Variants in CNGA3 observed in about 807,000 individuals in gnomAD.
CNGA3 encodes cyclic nucleotide gated channel subunit alpha 3.
A neutral mutation model predicts 46.6 loss-of-function variants in CNGA3; 42 were observed. The observed-to-expected ratio is 0.90, with a 90% CI of 0.70 to 1.17. The LOEUF (loss-of-function observed/expected upper bound fraction) is 1.17. Among genes scored for constraint, CNGA3 ranks in the 50% most tolerant of loss-of-function variants. The pLI is 0.00. For synonymous variants in CNGA3, 394 were observed against 369.4 expected, an observed-to-expected ratio of 1.07 and a Z score of -0.76; for missense variants, 893 against 890.7, an observed-to-expected ratio of 1.00 and a Z score of -0.03.
At chr2:98,388,468 G>C (rs1284200958) in intron 5 of CNGA3, among the ~76,000 whole-genome samples, 1 of 152,180 alleles carries the variant, frequency 6.6e-6, no homozygotes, top group Non-Finnish European at 1.5e-5. Context: ...GGAGGGGAGA[G>C]GGTGCTTGGA....
rs746845526 is a variant in CNGA3 at position 98,395,832 on chromosome 2, C to T, written c.674-12C>T. ...CTCTGTGATGCCCAATGACCTCCATCTTCTTCTTTAGGTTTTCTCGAGCAA... is the reference window on the plus strand; with the variant it reads ...CTCTGTGATGCCCAATGACCTCCATTTTCTTCTTTAGGTTTTCTCGAGCAA... On this transcript the variant is annotated splice_polypyrimidine_tract_variant and intron_variant, in intron 7 of 7. Coordinates refer to ENST00000272602, the MANE Select transcript of CNGA3 (RefSeq NM_001298.3). 7 of 1,613,726 alleles carry T rather than the reference C, an allele frequency of 4.3e-6. No individual in the cohort carries two copies. Among genetic ancestry groups the T allele is most frequent in the South Asian group, 1.1e-5 (1 of 91,014 alleles).
At chr2:98,376,403 T>C (rs556327785) in intron 2 of CNGA3, among the ~76,000 whole-genome samples, 13 of 152,020 alleles carry the variant, frequency 8.6e-5, no homozygotes, top group Admixed American at 3.9e-4. Flanking sequence ...GTCCTGGTCA[T>C]GGAAGGTAGA....
chr2:98,391,503 T>A (rs1466872477), intron 6 of CNGA3, among the ~76,000 whole-genome samples: 1 of 152,172 alleles, frequency 6.6e-6, no homozygotes, highest in Non-Finnish European at 1.5e-5. Context: ...ATTCTCCTAT[T>A]TTTGTTGAAC....
At position 98,397,397 on chromosome 2, in the gene CNGA3, C is replaced by A. The variant is rs1574392536; in HGVS notation, c.*142C>A. ...AAAGCTGTGTGACTGCCTGAGAGAA[C>A]CTGTTTCTTCACCTAAAAAATGGGA... is the stretch of plus-strand genomic sequence containing the variant. On this transcript the variant is annotated 3_prime_UTR_variant, in exon 8 of 8. Coordinates refer to ENST00000272602, the MANE Select transcript of CNGA3 (RefSeq NM_001298.3). 4 of 860,494 alleles carry A rather than the reference C, an allele frequency of 4.6e-6. No individual in the cohort carries two copies. In the East Asian group the frequency reaches 1.1e-4, roughly 23 times the overall value. 53.3% of individuals were successfully genotyped at this position (860,494 alleles called of 1,614,324 possible). A position where few individuals can be genotyped will look rare whatever the true frequency, so the allele number is the denominator to read the frequency against.
intron 1 of CNGA3, among the ~76,000 whole-genome samples, chr2:98,348,254 G>C (rs929877974): frequency 2.6e-5 from 4 of 152,132 alleles, no homozygotes; most frequent in African/African-American, 4.8e-5. Flanking sequence ...TGGTTCTTGG[G>C]GTGACTGGCT....
At chr2:98,368,036 C>G (rs1692202686) in intron 1 of CNGA3, among the ~76,000 whole-genome samples, 1 of 152,226 alleles carries the variant, frequency 6.6e-6, no homozygotes, top group African/African-American at 2.4e-5. Context: ...CTCTTTATAG[C>G]TCCTATGATC....
intron 5 of CNGA3, 98 bp downstream of exon 5, chr2:98,383,539 C>A: frequency 1.8e-6 from 2 of 1,091,494 alleles, no homozygotes; most frequent in East Asian, 2.4e-5. Flanking sequence ...CTCCTGCTCC[C>A]CACTCCCAGA....
chr2:98,361,112 A>T (rs1387411771), intron 1 of CNGA3, among the ~76,000 whole-genome samples: 2 of 151,892 alleles, frequency 1.3e-5, no homozygotes, highest in Non-Finnish European at 2.9e-5. Context: ...GGTTTGCTGC[A>T]TCTATCAACC....
intron 1 of CNGA3, among the ~76,000 whole-genome samples, chr2:98,352,060 G>A (rs1166293311): frequency 6.6e-6 from 1 of 152,052 alleles, no homozygotes. Context: ...TCTACTTTCT[G>A]CCTTAATGGA....
chr2:98,380,444 A>C (rs1371572906), intron 4 of CNGA3, 90 bp downstream of exon 4: 6 of 1,492,212 alleles, frequency 4.0e-6, no homozygotes, highest in Non-Finnish European at 5.5e-6. Flanking sequence ...TGGATGCAGC[A>C]CAGGTGGCCT....
In CNGA3 at chr2:98,364,833, T is replaced by C. The variant is rs535599261; in HGVS notation, c.-37-5106T>C. Among the ~76,000 whole-genome samples the C allele has an allele frequency of 5.3e-5, 8 of 152,344 alleles. No individual in the cohort carries two copies. In the East Asian group the frequency reaches 1.3e-3, roughly 26 times the overall value. On this transcript the variant is annotated intron_variant, in intron 1 of 7. Transcript: ENST00000272602. ...GCTGATGAATCCCCTCAGCATTTAC[T>C]TGTCTGAAAAGGATTTTATTTCTCC...
Position 98,396,287 on chromosome 2 carries a change from G to A in CNGA3, c.1117G>A (p.Val373Met), listed in dbSNP as rs552553452. The A allele has an allele frequency of 2.2e-5, 35 of 1,610,604 alleles. No individual in the cohort carries two copies. The highest frequency in any genetic ancestry group is 1.7e-4 in the Middle Eastern group (1 of 6,046). The change falls in exon 8 of 8, where the codon GTG (valine) becomes ATG (methionine). Residue 373 changes from valine (V) to methionine (M), a missense_variant. Physicochemically the swap from Val to Met is conservative, Grantham distance 21. Coordinates refer to ENST00000272602, the MANE Select transcript of CNGA3 (RefSeq NM_001298.3). ...LTTIGETPPP[V>M]KDEEYLFVVV... ...CACCATTGGTGAGACCCCACCCCCC[G>A]TGAAAGATGAGGAGTATCTCTTTGT... is the stretch of plus-strand genomic sequence containing the variant.
chr2:98,373,157 C>T (rs1401624960), intron 2 of CNGA3, among the ~76,000 whole-genome samples: 4 of 152,182 alleles, frequency 2.6e-5, no homozygotes, highest in Admixed American at 6.5e-5. Context: ...CCCAGCCCCT[C>T]CCCTGCTTCC....
chr2:98,383,360 C>A (rs573177012), intron 4 of CNGA3, 28 bp from the exon 5 acceptor site: 3 of 1,612,060 alleles, frequency 1.9e-6, no homozygotes, highest in East Asian at 2.2e-5. Context: ...GAGTTCAGAC[C>A]CTTGATGTTC....
chr2:98,391,636 G>A (rs1216450997), intron 6 of CNGA3, among the ~76,000 whole-genome samples: 2 of 152,154 alleles, frequency 1.3e-5, no homozygotes, highest in Non-Finnish European at 2.9e-5. Flanking sequence ...GCTCTTTGGG[G>A]TCAATCCCAG....
intron 1 of CNGA3, among the ~76,000 whole-genome samples, chr2:98,366,452 G>T (rs528547176): frequency 3.3e-5 from 5 of 152,156 alleles, no homozygotes; most frequent in East Asian, 3.8e-4. Context: ...ACTTGCGGGG[G>T]ATCCCACTCA....
In CNGA3 at chr2:98,380,183, G is replaced by T; in HGVS notation, c.224G>T (p.Arg75Leu). 1 of 1,614,144 alleles carries T rather than the reference G, an allele frequency of 6.2e-7. No individual in the cohort carries two copies. The highest frequency in any genetic ancestry group is 8.5e-7 in the Non-Finnish European group (1 of 1,180,032). Residue 75 changes from arginine to leucine, a missense_variant, in exon 4 of 8, where the codon CGC becomes CTC. Physicochemically the swap from Arg to Leu is moderately radical, Grantham distance 102. This residue lies in a region of CNGA3 where 333 missense variants were observed against 290.8 expected (regional missense o/e 1.15). Transcript: ENST00000272602. ...CTTGTGTCACCTTCCAGGCTGTCGC[G>T]CCTCATCTTCTTGCTGCGCAGGTGG... ...FTGQGIARLS[R>L]LIFLLRRWAA...
chr2:98,367,818 G>C (rs573453214), intron 1 of CNGA3, among the ~76,000 whole-genome samples: 1 of 152,182 alleles, frequency 6.6e-6, no homozygotes, highest in African/African-American at 2.4e-5. Flanking sequence ...AAGAAACTGT[G>C]GCAATTTTTT....
At chr2:98,359,969 T>C (rs1273196578) in intron 1 of CNGA3, among the ~76,000 whole-genome samples, 1 of 152,180 alleles carries the variant, frequency 6.6e-6, no homozygotes, top group Non-Finnish European at 1.5e-5. Context: ...CCCTTGATTC[T>C]ATGGGCTTCT....
Sources: allele counts gnomAD v4.1 joint callset (sites outside exome capture counted in the v4.1 genomes callset), GRCh38; gene constraint gnomAD v4.1.1; regional missense constraint gnomAD v4.1.1; transcripts MANE v1.5; gene names NCBI Gene and HGNC (gene_info 2026-07-23, HGNC 2026-07-21).